Variants in GUCY1A2 observed in about 807,000 individuals in gnomAD.
GUCY1A2 encodes guanylate cyclase soluble subunit alpha-2.
A neutral mutation model predicts 63.5 loss-of-function variants in GUCY1A2; 27 were observed. The ratio of observed to expected loss-of-function variants is 0.43; its 90% confidence interval spans 0.31 to 0.59. GUCY1A2 has a LOEUF of 0.59. Ranked by LOEUF, GUCY1A2 falls within the 20% of genes least tolerant of loss-of-function variation. The pLI, the probability that GUCY1A2 is intolerant of heterozygous loss-of-function variation, is 0.11. For synonymous variants in GUCY1A2, 364 were observed against 343.5 expected (o/e 1.06, Z -0.66); for missense variants, 768 against 913.3 (o/e 0.84, Z 2.05).
rs113193694 is a variant in GUCY1A2 at position 106,915,577 on chromosome 11, T to A, written c.1206+23883A>T. Among the ~76,000 whole-genome samples the A allele has an allele frequency of 1.7e-3, 187 of 110,496 alleles. 3 individuals are homozygous for A. Among genetic ancestry groups the A allele is most frequent in the African/African-American group, 4.7e-3 (175 of 37,284 alleles). 72.5% of individuals were successfully genotyped at this position (110,496 alleles called of 152,430 possible). A position where few individuals can be genotyped will look rare whatever the true frequency, so the allele number is the denominator to read the frequency against. ...CTAGAACATTGCCTAATTTTAATCC[T>A]GGGCAAGGTAAAAAGTTTATTCAAG... On this transcript the variant is annotated intron_variant, in intron 4 of 7. Coordinates refer to ENST00000526355, the MANE Select transcript of GUCY1A2 (RefSeq NM_000855.3).
At chr11:106,838,960 T>G (rs997972899) in intron 4 of GUCY1A2, among the ~76,000 whole-genome samples, 9 of 152,070 alleles carry the variant, frequency 5.9e-5, no homozygotes, top group African/African-American at 2.2e-4. Context: ...TCTTTTGCTG[T>G]GCAGAAGCTC....
intron 6 of GUCY1A2, among the ~76,000 whole-genome samples, chr11:106,756,463 G>C (rs185848680): frequency 6.6e-6 from 1 of 152,072 alleles, no homozygotes; most frequent in Non-Finnish European, 1.5e-5. Context: ...TACAATTGGC[G>C]TGTTTTTGCA....
chr11:106,963,119 C>T (rs1861081171), intron 3 of GUCY1A2, among the ~76,000 whole-genome samples: 1 of 152,178 alleles, frequency 6.6e-6, no homozygotes, highest in East Asian at 1.9e-4. Flanking sequence ...TATAGAAATA[C>T]TTTGATAGCA....
chr11:106,840,651 T>A (rs1270980286), intron 4 of GUCY1A2, among the ~76,000 whole-genome samples: 1 of 151,960 alleles, frequency 6.6e-6, no homozygotes, highest in Admixed American at 6.6e-5. Context: ...TCCTAATTAT[T>A]CACATAATTC....
chr11:106,836,702 T>C (rs946115034), intron 4 of GUCY1A2, among the ~76,000 whole-genome samples: 4 of 151,958 alleles, frequency 2.6e-5, no homozygotes, highest in African/African-American at 7.2e-5. Context: ...GAACTGCTCA[T>C]GCAGATCTGA....
rs111426802 is a variant in GUCY1A2 at position 106,979,473 on chromosome 11, A to G, written c.366-733T>C. Among the ~76,000 whole-genome samples the G allele has an allele frequency of 2.3e-4, 35 of 150,198 alleles. No homozygotes were observed. In the South Asian group the frequency reaches 2.5e-3, roughly 11 times the overall value. Reference sequence around the variant, plus strand: ...CCGTCTCAAAAAAAAAAAAAAAAAAAAAGAAGAAGATAGCAGTATGGTGTA... The same window carrying G: ...CCGTCTCAAAAAAAAAAAAAAAAAAGAAGAAGAAGATAGCAGTATGGTGTA... On this transcript the variant is annotated intron_variant, in intron 2 of 7. Transcript: ENST00000526355.
At chr11:106,847,515 T>C (rs1245806219) in intron 4 of GUCY1A2, among the ~76,000 whole-genome samples, 3 of 151,220 alleles carry the variant, frequency 2.0e-5, no homozygotes, top group African/African-American at 7.3e-5. Context: ...TACTCCAAGA[T>C]GAGGCAAAAT....
intron 6 of GUCY1A2, among the ~76,000 whole-genome samples, chr11:106,711,698 C>T (rs1345506768): frequency 1.3e-5 from 2 of 152,050 alleles, no homozygotes; most frequent in Admixed American, 1.3e-4. Context: ...TCCTACAGGA[C>T]TTCTTAAATA....
chr11:106,780,365 G>A lies in GUCY1A2; in HGVS notation c.1693-3783C>T, dbSNP rs114367570. 4.0e-3 allele frequency among the ~76,000 whole-genome samples: 613 copies of A among 152,244 alleles called. 6 individuals are homozygous for A. Among genetic ancestry groups the A allele is most frequent in the African/African-American group, 0.014 (592 of 41,534 alleles). On this transcript the variant is annotated intron_variant, in intron 5 of 7. Coordinates refer to ENST00000526355, the MANE Select transcript of GUCY1A2 (RefSeq NM_000855.3). ...GTTTTCATAGGCTGGGTTAGATTAT[G>A]ATACAGTAACAATTTAACCTCCAAA...
chr11:106,790,627 T>A (rs1365502530), intron 5 of GUCY1A2, among the ~76,000 whole-genome samples: 1 of 151,374 alleles, frequency 6.6e-6, no homozygotes, highest in Non-Finnish European at 1.5e-5. Flanking sequence ...CATCTTAGAG[T>A]CTTGCTTAAG....
intron 4 of GUCY1A2, among the ~76,000 whole-genome samples, chr11:106,831,246 A>C (rs1859046524): frequency 2.0e-5 from 3 of 152,232 alleles, no homozygotes; most frequent in Non-Finnish European, 4.4e-5. Flanking sequence ...CACTAGCAAA[A>C]TGTCTCAGAC....
rs570222129 is a variant in GUCY1A2, at chr11:106,677,162, A to T, written c.*10387T>A. ...TATCTTATAAGAGCTAGAAAGAAAT[A>T]AAGCAAAGAGGGAGGGAAGGAAAGG... On this transcript the variant is annotated 3_prime_UTR_variant, in exon 8 of 8. Coordinates refer to ENST00000526355, the MANE Select transcript of GUCY1A2 (RefSeq NM_000855.3). 1 of 220,690 alleles carries T rather than the reference A, an allele frequency of 4.5e-6. No homozygotes were observed. Among genetic ancestry groups the T allele is most frequent in the East Asian group, 6.6e-5 (1 of 15,246 alleles). The allele number at this position is 220,690 out of a possible 1,614,324, so 13.7% of individuals were successfully genotyped here. A position where few individuals can be genotyped will look rare whatever the true frequency, so the allele number is the denominator to read the frequency against.
At chr11:106,842,448 T>A (rs1859212520) in intron 4 of GUCY1A2, among the ~76,000 whole-genome samples, 1 of 152,032 alleles carries the variant, frequency 6.6e-6, no homozygotes, top group African/African-American at 2.4e-5. Flanking sequence ...ACCACTGGAC[T>A]GTCTACTAAA....
chr11:106,842,772 T>G (rs936071668), intron 4 of GUCY1A2, among the ~76,000 whole-genome samples: 2 of 151,890 alleles, frequency 1.3e-5, no homozygotes, highest in Non-Finnish European at 2.9e-5. Context: ...TGTTAGAATG[T>G]AGATTTTGAT....
chr11:106,847,231 C>CAAAAAA (rs57752458), intron 4 of GUCY1A2, among the ~76,000 whole-genome samples: 1 of 141,450 alleles, frequency 7.1e-6, no homozygotes, highest in Non-Finnish European at 1.5e-5. Context: ...TTGCAAAACT[C>CAAAAAA]AAAAAAAAAA....
At chr11:106,790,673 A>C (rs1301131130) in intron 5 of GUCY1A2, among the ~76,000 whole-genome samples, 1 of 152,066 alleles carries the variant, frequency 6.6e-6, no homozygotes, top group Non-Finnish European at 1.5e-5. Context: ...GCTGGTGGTT[A>C]TTCAGGGCCC....
intron 6 of GUCY1A2, among the ~76,000 whole-genome samples, chr11:106,710,827 C>CT (rs1863104309): frequency 6.6e-6 from 1 of 151,956 alleles, no homozygotes; most frequent in African/African-American, 2.4e-5. Flanking sequence ...GGGAGGAAAC[C>CT]TGACCCCTAG....
rs1055830545 is a variant in GUCY1A2, at chr11:106,855,909, A to C, written c.1207-45431T>G. On this transcript the variant is annotated intron_variant, in intron 4 of 7. Transcript: ENST00000526355. Reference sequence around the variant, plus strand: ...TCTCTTGTATTTTATTTATTTATTTATTTATTTATTTATTTATTTATTTAT... The same window carrying C: ...TCTCTTGTATTTTATTTATTTATTTCTTTATTTATTTATTTATTTATTTAT... 1.6e-3 allele frequency among the ~76,000 whole-genome samples: 160 copies of C among 100,408 alleles called. 2 individuals are homozygous for C. The highest frequency in any genetic ancestry group is 5.0e-3 in the South Asian group (13 of 2,604). 65.9% of individuals were successfully genotyped at this position (100,408 alleles called of 152,430 possible).
chr11:106,827,728 G>A, intron 4 of GUCY1A2: 4 of 1,539,714 alleles, frequency 2.6e-6, no homozygotes, highest in Admixed American at 1.7e-5. Context: ...TTAGAAATCT[G>A]CTTGAAATTT....
Sources: gnomAD v4.1 joint callset for allele counts (sites outside exome capture counted in the v4.1 genomes callset) on GRCh38, gnomAD v4.1.1 for gene constraint, MANE v1.5 for transcripts, NCBI Gene and HGNC (gene_info 2026-07-23, HGNC 2026-07-21) for gene names.